The following GPC6 variants were observed in gnomAD, a reference collection of about 807,000 sequenced individuals.
The protein encoded by GPC6 is glypican 6.
A neutral mutation model predicts 55.2 loss-of-function variants in GPC6; 14 were observed. That is an observed-to-expected ratio of 0.25 (90% CI 0.17 to 0.40). The LOEUF (loss-of-function observed/expected upper bound fraction) is 0.40, where lower values mean the gene tolerates loss of function less well. Ranked by LOEUF, GPC6 falls within the 10% of genes least tolerant of loss-of-function variation. GPC6 has a pLI of 1.00. For missense variants in GPC6, 641 were observed against 708.5 expected (o/e 0.90, Z 1.08); for synonymous variants, 278 against 259.6 (o/e 1.07, Z -0.68).
Position 94,156,204 on chromosome 13 carries a change from C to G in GPC6, c.877+128310C>G, listed in dbSNP as rs369939251. On this transcript the variant is annotated intron_variant, in intron 4 of 8. Transcript: ENST00000377047. ...AAACTTAAGTAAGATAAGGAGAAAC[C>G]TGGCAAGTCCTAGCATTATTGTGGA... Among the ~76,000 whole-genome samples, 4 of 152,158 alleles carry G rather than the reference C, an allele frequency of 2.6e-5. No homozygotes were observed. In the East Asian group the frequency reaches 5.8e-4, roughly 22 times the overall value.
intron 3 of GPC6, among the ~76,000 whole-genome samples, chr13:94,011,983 G>A (rs2138700090): frequency 6.6e-6 from 1 of 152,280 alleles, no homozygotes; most frequent in East Asian, 1.9e-4. Flanking sequence ...AAAGAGGGAA[G>A]AAGAACATTT....
intron 1 of GPC6, among the ~76,000 whole-genome samples, chr13:93,510,959 A>ATATATATGTG (rs1555306595): frequency 3.2e-4 from 6 of 18,888 alleles, no homozygotes; most frequent in South Asian, 2.4e-3. Context: ...AAATATATAT[A>ATATATATGTG]TATATATATA....
At position 94,089,221 on chromosome 13, in the gene GPC6, A is replaced by G. The variant is rs1034365992; in HGVS notation, c.877+61327A>G. Among the ~76,000 whole-genome samples, 3 of 152,294 alleles carry G rather than the reference A, an allele frequency of 2.0e-5. No homozygotes were observed. The East Asian group carries it at 5.8e-4, about 29-fold the overall frequency. Reference sequence around the variant, plus strand: ...TAAGAAGATGTGAAAATGATCACCAAACCTCTTGCAGACTCTGCACTGTGA... The same window carrying G: ...TAAGAAGATGTGAAAATGATCACCAGACCTCTTGCAGACTCTGCACTGTGA... On this transcript the variant is annotated intron_variant, in intron 4 of 8. Transcript: ENST00000377047.
chr13:93,586,806 T>C (rs906110999), intron 2 of GPC6, among the ~76,000 whole-genome samples: 11 of 152,232 alleles, frequency 7.2e-5, no homozygotes, highest in African/African-American at 2.7e-4. Context: ...ACAGAAATGT[T>C]CTATACTATG....
chr13:93,759,291 C>T (rs1267686840), intron 2 of GPC6, among the ~76,000 whole-genome samples: 1 of 152,170 alleles, frequency 6.6e-6, no homozygotes, highest in African/African-American at 2.4e-5. Flanking sequence ...ATGTATCCCC[C>T]ACTTGGGTTA....
chr13:94,155,721 A>G (rs570174648), intron 4 of GPC6, among the ~76,000 whole-genome samples: 1 of 152,116 alleles, frequency 6.6e-6, no homozygotes, highest in Non-Finnish European at 1.5e-5. Flanking sequence ...CCCTGCTTTT[A>G]ACTCTTCAGT....
At chr13:93,879,922 C>A (rs1221285657) in intron 3 of GPC6, among the ~76,000 whole-genome samples, 2 of 151,184 alleles carry the variant, frequency 1.3e-5, no homozygotes, top group African/African-American at 4.8e-5. Flanking sequence ...ACAGACATTT[C>A]TCAAAAGAAG....
At chr13:94,180,607 G>A (rs1888957302) in intron 4 of GPC6, among the ~76,000 whole-genome samples, 1 of 152,158 alleles carries the variant, frequency 6.6e-6, no homozygotes, top group Non-Finnish European at 1.5e-5. Context: ...AATGTGATAA[G>A]TGGCCTTCTT....
intron 3 of GPC6, among the ~76,000 whole-genome samples, chr13:93,953,082 T>C (rs1879343720): frequency 6.6e-6 from 1 of 151,986 alleles, no homozygotes. Context: ...ATCATTCATT[T>C]TGCTACAGTT....
chr13:93,285,630 G>GTGTGTGTGTGTGTGTGTGTA (rs1555287671), intron 1 of GPC6, among the ~76,000 whole-genome samples: 278 of 140,512 alleles, frequency 2.0e-3, no homozygotes, highest in African/African-American at 7.0e-3. Context: ...GTGTGTGTGT[G>GTGTGTGTGTGTGTGTGTGTA]TGTGTGTGTG....
At position 94,183,988 on chromosome 13, in the gene GPC6, C is replaced by T. The variant is rs180759704; in HGVS notation, c.878-102361C>T. Among the ~76,000 whole-genome samples the T allele has an allele frequency of 4.8e-3, 737 of 152,214 alleles. 4 individuals carry two copies. Among genetic ancestry groups the T allele is most frequent in the Non-Finnish European group, 6.7e-3 (454 of 68,002 alleles). On this transcript the variant is annotated intron_variant, in intron 4 of 8. Transcript: ENST00000377047. The stretch of plus-strand genomic sequence containing the variant: ...TGAACATCGACAAGGCTGACAAAAA[C>T]AAGCAATGGAGAAAGGACTCCCTAT...
chr13:93,565,431 G>C (rs1339724920), intron 2 of GPC6, among the ~76,000 whole-genome samples: 1 of 152,124 alleles, frequency 6.6e-6, no homozygotes. Flanking sequence ...ATATTCTTTG[G>C]ATTAACAAAT....
At chr13:93,923,937 G>C (rs564211541) in intron 3 of GPC6, among the ~76,000 whole-genome samples, 1 of 152,138 alleles carries the variant, frequency 6.6e-6, no homozygotes, top group South Asian at 2.1e-4. Flanking sequence ...AAGTGATGTA[G>C]CTTCAAATCC....
chr13:93,906,542 T>G (rs1021186907), intron 3 of GPC6, among the ~76,000 whole-genome samples: 1 of 152,182 alleles, frequency 6.6e-6, no homozygotes, highest in South Asian at 2.1e-4. Context: ...AAACTTTCCA[T>G]TGATAATACC....
chr13:93,914,409 A>C lies in GPC6; in HGVS notation c.711+83864A>C, dbSNP rs554959727. ...AAAGGACATTAACTCATCATTTTTTATGGCTGCATAGTATTCCATAGTGTA... is the reference window on the plus strand; with the variant it reads ...AAAGGACATTAACTCATCATTTTTTCTGGCTGCATAGTATTCCATAGTGTA... On this transcript the variant is annotated intron_variant, in intron 3 of 8. Coordinates refer to ENST00000377047, the MANE Select transcript of GPC6 (RefSeq NM_005708.5). Among the ~76,000 whole-genome samples the C allele has an allele frequency of 3.9e-5, 6 of 152,266 alleles. No individual in the cohort carries two copies. In the South Asian group the frequency reaches 1.2e-3, roughly 32 times the overall value.
intron 1 of GPC6, among the ~76,000 whole-genome samples, chr13:93,443,556 C>G (rs1013021688): frequency 7.9e-5 from 12 of 152,192 alleles, no homozygotes; most frequent in African/African-American, 2.9e-4. Context: ...TTGAGAAGAC[C>G]AGGCATATTC....
intron 4 of GPC6, among the ~76,000 whole-genome samples, chr13:94,145,522 A>G (rs942695969): frequency 6.6e-6 from 1 of 151,412 alleles, no homozygotes; most frequent in Non-Finnish European, 1.5e-5. Context: ...TTAAAGTCTC[A>G]TATGTGTACC....
At chr13:93,329,238 A>C (rs182896028) in intron 1 of GPC6, among the ~76,000 whole-genome samples, 18 of 152,128 alleles carry the variant, frequency 1.2e-4, no homozygotes, top group African/African-American at 4.3e-4. Flanking sequence ...CCCACAGATA[A>C]AATTTTCTTT....
At chr13:93,255,566 T>G (rs763118651) in intron 1 of GPC6, among the ~76,000 whole-genome samples, 10 of 152,220 alleles carry the variant, frequency 6.6e-5, no homozygotes, top group Non-Finnish European at 1.0e-4. Flanking sequence ...TGTGTGTTTC[T>G]TTCAATGTCA....
Sources: gnomAD v4.1 joint callset for allele counts (sites outside exome capture counted in the v4.1 genomes callset) on GRCh38, gnomAD v4.1.1 for gene constraint, MANE v1.5 for transcripts, NCBI Gene and HGNC (gene_info 2026-07-23, HGNC 2026-07-21) for gene names.